The following ZC3H12B variants were observed in gnomAD, a reference collection of about 807,000 sequenced individuals.
ZC3H12B encodes the protein probable ribonuclease ZC3H12B.
ZC3H12B carries 7 observed loss-of-function variants against 43.9 expected under a neutral mutation model. That is an observed-to-expected ratio of 0.16 (90% CI 0.09 to 0.30). The LOEUF is 0.30. Among genes scored for constraint, ZC3H12B ranks in the 10% least tolerant of loss-of-function variants. The probability of loss-of-function intolerance (pLI) is 1.00; values close to 1 mark genes in which losing one functional copy is unlikely to be tolerated. For synonymous variants in ZC3H12B, 222 were observed against 241.7 expected, an observed-to-expected ratio of 0.92 and a Z score of 0.76; for missense variants, 475 against 670.2, an observed-to-expected ratio of 0.71 and a Z score of 3.22.
At chrX:65,454,450 C>T (rs1236340162) in intron 3 of ZC3H12B, among the ~76,000 whole-genome samples, 3 of 112,136 alleles carry the variant, frequency 2.7e-5, no homozygotes, top group East Asian at 2.8e-4. Context: ...CCACCATTGC[C>T]GAGGCTTGAG....
intron 3 of ZC3H12B, among the ~76,000 whole-genome samples, chrX:65,416,520 G>C (rs1026884793): frequency 2.8e-4 from 31 of 110,287 alleles, no homozygotes; most frequent in Non-Finnish European, 2.5e-4. Context: ...GGTGGCTCAC[G>C]CCTGTAATCC....
the ZC3H12B span, among the ~76,000 whole-genome samples, chrX:65,100,049 G>A: frequency 8.9e-6 from 1 of 111,868 alleles, no homozygotes; most frequent in South Asian, 3.7e-4. Flanking sequence ...ATGAACTGAT[G>A]ATGGAGCTGA....
At chrX:65,213,778 T>G in the ZC3H12B span, among the ~76,000 whole-genome samples, 1 of 110,266 alleles carries the variant, frequency 9.1e-6, no homozygotes, top group Non-Finnish European at 1.9e-5. Context: ...TTGTAGGCAT[T>G]CATTAAATAT....
chrX:65,188,970 C>G, the ZC3H12B span, among the ~76,000 whole-genome samples: 101 of 80,872 alleles, frequency 1.2e-3, 1 homozygote, highest in African/African-American at 4.6e-3. Context: ...CCACAGTCCC[C>G]AGAGTGTGAT....
At chrX:65,142,830 G>T in the ZC3H12B span, among the ~76,000 whole-genome samples, 3 of 111,842 alleles carry the variant, frequency 2.7e-5, no homozygotes, top group East Asian at 8.4e-4. Flanking sequence ...TTTATTTCTG[G>T]GTTCTATATT....
the ZC3H12B span, among the ~76,000 whole-genome samples, chrX:65,049,018 A>G: frequency 9.0e-6 from 1 of 110,717 alleles, no homozygotes; most frequent in Non-Finnish European, 1.9e-5. Context: ...TATTATAATC[A>G]GTTCATTTTT....
chrX:65,129,472 G>A, the ZC3H12B span, among the ~76,000 whole-genome samples: 2 of 109,460 alleles, frequency 1.8e-5, no homozygotes, highest in Admixed American at 2.0e-4. Context: ...ACAGTCAAAG[G>A]GGTTGTTCTC....
the ZC3H12B span, among the ~76,000 whole-genome samples, chrX:65,151,746 C>T: frequency 1.8e-5 from 2 of 111,483 alleles, no homozygotes; most frequent in Non-Finnish European, 3.8e-5. Flanking sequence ...CCAGCATCAT[C>T]CTGATACCAA....
chrX:65,256,043 C>G, the ZC3H12B span, among the ~76,000 whole-genome samples: 7 of 112,057 alleles, frequency 6.2e-5, no homozygotes, highest in Non-Finnish European at 3.8e-5. Flanking sequence ...GAAACAAGTT[C>G]TCAGAATCCT....
intron 3 of ZC3H12B, among the ~76,000 whole-genome samples, chrX:65,416,954 G>A (rs1432397455): frequency 9.0e-6 from 1 of 111,556 alleles, no homozygotes; most frequent in African/African-American, 3.3e-5. Context: ...AAACTCTTAG[G>A]TCTCATTCCA....
At chrX:65,152,216 T>C in the ZC3H12B span, among the ~76,000 whole-genome samples, 359 of 111,691 alleles carry the variant, frequency 3.2e-3, 2 homozygotes, top group African/African-American at 0.011. Context: ...AACATAGTGT[T>C]GGAAGTTCTG....
intron 2 of ZC3H12B, among the ~76,000 whole-genome samples, chrX:65,376,513 G>C (rs891726042): frequency 2.7e-5 from 3 of 111,782 alleles, no homozygotes; most frequent in African/African-American, 9.8e-5. Context: ...CACATATCCA[G>C]TGGTGGTACT....
At chrX:65,274,415 C>G in the ZC3H12B span, among the ~76,000 whole-genome samples, 5 of 110,435 alleles carry the variant, frequency 4.5e-5, no homozygotes, top group African/African-American at 1.6e-4. Context: ...CACTGAGGCT[C>G]CATCTTTATT....
chrX:65,095,519 C>T, the ZC3H12B span, among the ~76,000 whole-genome samples: 1 of 111,049 alleles, frequency 9.0e-6, no homozygotes, highest in Non-Finnish European at 1.9e-5. Context: ...AAGCAGAAAC[C>T]TCTGTAGGAA....
intron 3 of ZC3H12B, among the ~76,000 whole-genome samples, chrX:65,434,844 G>C (rs2067201759): frequency 9.0e-6 from 1 of 111,298 alleles, no homozygotes; most frequent in South Asian, 3.8e-4. Flanking sequence ...AGTGCAGTTA[G>C]ATCCCTCAGG....
chrX:65,407,939 G>A, intron 3 of ZC3H12B: 2 of 714,916 alleles, frequency 2.8e-6, no homozygotes, highest in East Asian at 3.6e-5. Flanking sequence ...CGGTACGCCC[G>A]GCCTAGCGCG....
intron 3 of ZC3H12B, among the ~76,000 whole-genome samples, chrX:65,445,686 T>A: frequency 8.9e-6 from 1 of 112,355 alleles, no homozygotes. Flanking sequence ...GCACAAGGGC[T>A]CTTTAGTTGG....
chrX:65,214,378 G>A, the ZC3H12B span, among the ~76,000 whole-genome samples: 1 of 111,724 alleles, frequency 9.0e-6, no homozygotes, highest in Admixed American at 9.6e-5. Flanking sequence ...AAATTTTGCT[G>A]CTTCTTTATG....
chrX:65,393,009 G>A (rs1467386541), intron 2 of ZC3H12B, among the ~76,000 whole-genome samples: 1 of 111,597 alleles, frequency 9.0e-6, no homozygotes, highest in Non-Finnish European at 1.9e-5. Flanking sequence ...TAAGGGCGGT[G>A]CAAGAAGATG....
Sources: allele counts gnomAD v4.1 joint callset (sites outside exome capture counted in the v4.1 genomes callset), GRCh38; gene constraint gnomAD v4.1.1; transcripts MANE v1.5; gene names NCBI Gene and HGNC (gene_info 2026-07-23, HGNC 2026-07-21).